SEC24D: variants seen among roughly 807,000 people sequenced by gnomAD.
The protein encoded by SEC24D is protein transport protein Sec24D.
SEC24D carries 69 observed loss-of-function variants against 116.9 expected under a neutral mutation model. That is an observed-to-expected ratio of 0.59 (90% CI 0.49 to 0.72). The LOEUF (loss-of-function observed/expected upper bound fraction) is 0.72. SEC24D is among the 30% of genes least tolerant of loss of function. The pLI, the probability that SEC24D is intolerant of heterozygous loss-of-function variation, is 0.00. For missense variants in SEC24D, 1,131 were observed against 1,264.1 expected, an observed-to-expected ratio of 0.89 and a Z score of 1.60; for synonymous variants, 405 against 442.8, an observed-to-expected ratio of 0.91 and a Z score of 1.07.
intron 8 of SEC24D, among the ~76,000 whole-genome samples, chr4:118,779,011 A>T (rs1728273976): frequency 6.6e-6 from 1 of 152,072 alleles, no homozygotes; most frequent in Non-Finnish European, 1.5e-5. Context: ...GGCTGAAATG[A>T]TAGAGTTTTC....
At chr4:118,780,907 C>CTTTTTTTTTT (rs143712578) in intron 8 of SEC24D, among the ~76,000 whole-genome samples, 21 of 61,882 alleles carry the variant, frequency 3.4e-4, no homozygotes, top group East Asian at 6.7e-4. Context: ...GCAACCCCTG[C>CTTTTTTTTTT]TTTTTTTTTT....
At chr4:118,743,929 T>C in intron 15 of SEC24D, 59 bp downstream of exon 15, 2 of 1,468,702 alleles carry the variant, frequency 1.4e-6, no homozygotes, top group Middle Eastern at 1.9e-4. Context: ...ACCTATAATC[T>C]AAACAACAAA....
intron 8 of SEC24D, among the ~76,000 whole-genome samples, chr4:118,779,830 G>C (rs1270159632): frequency 6.6e-6 from 1 of 152,112 alleles, no homozygotes; most frequent in Non-Finnish European, 1.5e-5. Context: ...GTTTAGTCTT[G>C]GGAGGGTGTA....
At chr4:118,819,235 T>C (rs548921403) in intron 3 of SEC24D, among the ~76,000 whole-genome samples, 1 of 152,248 alleles carries the variant, frequency 6.6e-6, no homozygotes, top group African/African-American at 2.4e-5. Flanking sequence ...TTTCGTCTTT[T>C]AAAAAAACTT....
chr4:118,797,258 T>C (rs1729218336), intron 8 of SEC24D, among the ~76,000 whole-genome samples: 1 of 152,222 alleles, frequency 6.6e-6, no homozygotes. Context: ...TTGATGAGTA[T>C]CCTGGCCCAG....
Position 118,824,689 on chromosome 4 carries a change from C to T in SEC24D, c.179G>A (p.Gly60Asp). Residue 60 changes from glycine (G) to aspartate (D), a missense_variant, in exon 3 of 23, where the codon GGT (glycine) becomes GAT (aspartate). By Grantham distance (94) the Gly-to-Asp change is moderately conservative (BLOSUM62 -1). Coordinates refer to ENST00000280551, the MANE Select transcript of SEC24D (RefSeq NM_014822.4). ...ATATRGMLPP[G>D]PPPPGPHQFG... ...CTGATGGGGTCCAGGAGGTGGGGGA[C>T]CCGGAGGCAACATTCCCCTAGTGGC... The T allele has an allele frequency of 6.2e-7, 1 of 1,608,864 alleles. No homozygotes were observed. Among genetic ancestry groups the T allele is most frequent in the Non-Finnish European group, 8.5e-7 (1 of 1,177,926 alleles).
intron 9 of SEC24D, among the ~76,000 whole-genome samples, chr4:118,767,109 G>A (rs1727678878): frequency 6.6e-6 from 1 of 152,220 alleles, no homozygotes; most frequent in African/African-American, 2.4e-5. Context: ...ACAGCAAGGT[G>A]CGTTTAAGAA....
intron 8 of SEC24D, among the ~76,000 whole-genome samples, chr4:118,797,168 C>T (rs1729213835): frequency 6.6e-6 from 1 of 152,136 alleles, no homozygotes; most frequent in South Asian, 2.1e-4. Context: ...TTTTCCCGCT[C>T]AACTATATGT....
chr4:118,735,749 G>A (rs1339349513), intron 19 of SEC24D: 1 of 149,104 alleles, frequency 6.7e-6, no homozygotes, highest in Non-Finnish European at 1.5e-5. Context: ...GCTAGAGTAT[G>A]GTGGCACAAT....
At chr4:118,781,550 C>T (rs1728413771) in intron 8 of SEC24D, among the ~76,000 whole-genome samples, 1 of 152,106 alleles carries the variant, frequency 6.6e-6, no homozygotes, top group Admixed American at 6.5e-5. Flanking sequence ...CTTGGTGATT[C>T]TGGCAATTAT....
At chr4:118,754,058 T>C (rs1330770102) in intron 11 of SEC24D, 3 of 152,110 alleles carry the variant, frequency 2.0e-5, no homozygotes, top group Non-Finnish European at 4.4e-5. Flanking sequence ...GTCAACAGAG[T>C]ACAGGCTGAT....
intron 10 of SEC24D, 80 bp downstream of exon 10, chr4:118,764,722 A>G: frequency 1.2e-6 from 1 of 806,012 alleles, no homozygotes. Context: ...GTGAATCAAG[A>G]GTCAGTTCTT....
rs772499004 is a variant in SEC24D at position 118,815,448 on chromosome 4, T to G, written c.673+3A>C. ...GCCTTCCCCTGCACCCTGTCCGCCTTACCCTGCTGCGGAGGATATCCAGCA... is the reference window on the plus strand; with the variant it reads ...GCCTTCCCCTGCACCCTGTCCGCCTGACCCTGCTGCGGAGGATATCCAGCA... On this transcript the variant is annotated splice_donor_region_variant and intron_variant, in intron 5 of 22. Coordinates refer to ENST00000280551, the MANE Select transcript of SEC24D (RefSeq NM_014822.4). The G allele has an allele frequency of 1.9e-6, 3 of 1,613,892 alleles. No homozygotes were observed. The highest frequency in any genetic ancestry group is 2.5e-6 in the Non-Finnish European group (3 of 1,179,910).
chr4:118,823,222 A>C (rs1730468057), intron 3 of SEC24D, among the ~76,000 whole-genome samples: 1 of 152,172 alleles, frequency 6.6e-6, no homozygotes, highest in African/African-American at 2.4e-5. Flanking sequence ...TTCTTGCTCC[A>C]AGCTTAAACC....
chr4:118,728,863 GA>G, intron 21 of SEC24D: 1 of 461,386 alleles, frequency 2.2e-6, no homozygotes, highest in Non-Finnish European at 3.9e-6. Flanking sequence ...CTGTCTTTTG[GA>G]AAAAACTCTT....
chr4:118,778,572 A>T (rs369314717), intron 8 of SEC24D, among the ~76,000 whole-genome samples: 4 of 152,244 alleles, frequency 2.6e-5, no homozygotes, highest in East Asian at 3.9e-4. Flanking sequence ...TTTGCTTAGG[A>T]TTGCTTTGGC....
chr4:118,765,107 T>A (rs1366589901), intron 9 of SEC24D, among the ~76,000 whole-genome samples, 190 bp from the exon 10 acceptor site: 1 of 152,186 alleles, frequency 6.6e-6, no homozygotes, highest in Non-Finnish European at 1.5e-5. Flanking sequence ...GGGTTCTTAT[T>A]CTATAAGTTA....
intron 8 of SEC24D, among the ~76,000 whole-genome samples, chr4:118,789,502 G>A (rs895374815): frequency 6.6e-6 from 1 of 152,076 alleles, no homozygotes; most frequent in African/African-American, 2.4e-5. Flanking sequence ...CCCCACAATG[G>A]TACCCTCTTT....
chr4:118,795,415 G>A (rs903846594), intron 8 of SEC24D, among the ~76,000 whole-genome samples: 3 of 151,894 alleles, frequency 2.0e-5, no homozygotes, highest in Non-Finnish European at 4.4e-5. Flanking sequence ...CATCATATTG[G>A]TCAGGCTGGT....
Sources: gnomAD v4.1 joint callset for allele counts (sites outside exome capture counted in the v4.1 genomes callset) on GRCh38, gnomAD v4.1.1 for gene constraint, MANE v1.5 for transcripts, NCBI Gene and HGNC (gene_info 2026-07-23, HGNC 2026-07-21) for gene names.